RYR1: variants seen among roughly 807,000 people sequenced by gnomAD.
The protein encoded by RYR1 is central core disease of muscle.
A neutral mutation model predicts 583.5 loss-of-function variants in RYR1; 342 were observed. The ratio of observed to expected loss-of-function variants is 0.59; its 90% CI spans 0.54 to 0.64. The LOEUF (loss-of-function observed/expected upper bound fraction) is 0.64. Among genes scored for constraint, RYR1 ranks in the 30% least tolerant of loss-of-function variants. RYR1 has a pLI of 0.00. For missense variants in RYR1, 6,032 were observed against 6,917.2 expected (o/e 0.87, Z 4.54); for synonymous variants, 2,791 against 2,822.5 (o/e 0.99, Z 0.35).
intron 69 of RYR1, 142 bp from the exon 70 acceptor site, chr19:38,523,773 C>A: frequency 9.1e-7 from 1 of 1,095,054 alleles, no homozygotes; most frequent in Non-Finnish European, 1.4e-6. Flanking sequence ...CACCCCGAGC[C>A]AAGGCCTGGA....
At position 38,485,914 on chromosome 19, in the gene RYR1, A is replaced by G; in HGVS notation, c.5259A>G (p.Thr1753=). 6.2e-7 allele frequency: 1 copy of G among 1,613,792 alleles called. No individual in the cohort carries two copies. Among genetic ancestry groups the G allele is most frequent in the East Asian group, 2.2e-5 (1 of 44,876 alleles). ...CGCTCTTCCCTCCTGGAAGGAGCACAGAAAATGGTCACCCCCGGCATGGCC... is the reference window on the plus strand; with the variant it reads ...CGCTCTTCCCTCCTGGAAGGAGCACGGAAAATGGTCACCCCCGGCATGGCC... The part of the protein sequence containing the change: ...AITLFPPGRS[T]ENGHPRHGLP... The change falls in exon 34 of 106, where the codon ACA becomes ACG. Residue 1753 remains threonine, a synonymous_variant. Coordinates refer to ENST00000359596, the MANE Select transcript of RYR1 (RefSeq NM_000540.3).
In RYR1 at chr19:38,561,392, C is replaced by T. The variant is rs1379375429; in HGVS notation, c.12562C>T (p.Arg4188Cys). ...GRIEIMGASRRIERIYFEISE... is the reference protein window; with the variant it reads ...GRIEIMGASRCIERIYFEISE... ...CATCGAGATCATGGGCGCGTCACGC[C>T]GCATCGAGCGCATCTACTTCGAGAT... The change falls in exon 90 of 106, where the codon CGC (arginine) becomes TGC (cysteine). Residue 4188 changes from arginine to cysteine, a missense_variant. Transcript: ENST00000359596. The surrounding 1 kb of genome is among the most constrained non-coding windows in gnomAD (Gnocchi z 4.8). The T allele has an allele frequency of 1.9e-6, 3 of 1,613,180 alleles. No individual in the cohort carries two copies. The highest frequency in any genetic ancestry group is 2.5e-6 in the Non-Finnish European group (3 of 1,180,004).
At chr19:38,476,208 T>C (rs1434449346) in intron 29 of RYR1, among the ~76,000 whole-genome samples, 2 of 151,886 alleles carry the variant, frequency 1.3e-5, no homozygotes, top group Non-Finnish European at 2.9e-5. Flanking sequence ...TTCTGTTTTT[T>C]GTTTTTTTGA....
chr19:38,569,273 C>T (rs1412358949), intron 93 of RYR1, among the ~76,000 whole-genome samples: 1 of 152,010 alleles, frequency 6.6e-6, no homozygotes, highest in African/African-American at 2.4e-5. Context: ...TCCCAAAGTG[C>T]TGGGATTACA....
At chr19:38,571,846 T>G (rs1237331809) in intron 94 of RYR1, among the ~76,000 whole-genome samples, 173 bp from the exon 95 acceptor site, 1 of 152,152 alleles carries the variant, frequency 6.6e-6, no homozygotes, top group Non-Finnish European at 1.5e-5. Context: ...AATTCCCAGG[T>G]CAGAGTCTGA....
At position 38,528,266 on chromosome 19, in the gene RYR1, A is replaced by G. The variant is rs1178391260; in HGVS notation, c.10825-40A>G. On this transcript the variant is annotated intron_variant, in intron 73 of 105. Transcript: ENST00000359596. ...ATCCAGGGCTGGGAGTGAGAGGGGCAGGGTCTGGGGATGTGACTGTCCTGC... is the reference window on the plus strand; with the variant it reads ...ATCCAGGGCTGGGAGTGAGAGGGGCGGGGTCTGGGGATGTGACTGTCCTGC... 4 of 1,545,728 alleles carry G rather than the reference A, an allele frequency of 2.6e-6. No individual in the cohort carries two copies. The South Asian group carries it at 3.4e-5, about 13-fold the overall frequency.
intron 27 of RYR1, 73 bp downstream of exon 27, chr19:38,469,586 GTTTCTC>G: frequency 6.9e-7 from 1 of 1,454,648 alleles, no homozygotes; most frequent in Non-Finnish European, 9.6e-7. Context: ...TCTTCTTTGA[GTTTCTC>G]TTTTCCCTCC....
At chr19:38,482,879 G>T in intron 31 of RYR1, 148 bp from the exon 32 acceptor site, 1 of 730,958 alleles carries the variant, frequency 1.4e-6, no homozygotes, top group East Asian at 2.6e-5. Flanking sequence ...GATCAGAGGT[G>T]GGACAGTCTA....
chr19:38,534,464 C>T (rs553385844), intron 78 of RYR1, among the ~76,000 whole-genome samples: 1 of 152,316 alleles, frequency 6.6e-6, no homozygotes, highest in African/African-American at 2.4e-5. Context: ...CACAGATGGC[C>T]TGGAGGCCCA....
chr19:38,499,713 G>A lies in RYR1; in HGVS notation c.7106G>A (p.Arg2369Gln), dbSNP rs777966555. ...CCTGAGTGCTTCGGACCCGCCCTGCGGGGTGAGGGTGGCTCAGGGCTGCTG... is the reference window on the plus strand; with the variant it reads ...CCTGAGTGCTTCGGACCCGCCCTGCAGGGTGAGGGTGGCTCAGGGCTGCTG... ...RKPECFGPALRGEGGSGLLAA... is the reference protein window; with the variant it reads ...RKPECFGPALQGEGGSGLLAA... Residue 2369 changes from arginine (R) to glutamine (Q), a missense_variant, in exon 44 of 106, where the codon CGG (arginine) becomes CAG (glutamine). Arg to Gln is a conservative substitution (Grantham distance 43). Transcript: ENST00000359596. The surrounding 1 kb of genome is among the most constrained non-coding windows in gnomAD (Gnocchi z 7.3). The A allele has an allele frequency of 3.7e-6, 6 of 1,601,648 alleles. No individual in the cohort carries two copies. Among genetic ancestry groups the A allele is most frequent in the East Asian group, 2.2e-5 (1 of 44,840 alleles).
In RYR1 at chr19:38,548,301, G is replaced by A. The variant is rs921644065; in HGVS notation, c.12163G>A (p.Glu4055Lys). The change falls in exon 89 of 106, where the codon GAG (glutamate) becomes AAG (lysine). Residue 4055 changes from glutamate (E) to lysine (K), a missense_variant. Glu to Lys is a moderately conservative substitution (Grantham distance 56). Around this residue, in one of 11 missense-constraint regions of RYR1, gnomAD observed 753 missense variants for 759.6 expected, o/e 0.99. Coordinates refer to ENST00000359596, the MANE Select transcript of RYR1 (RefSeq NM_000540.3). ...DMLVESSSNV[E>K]MILKFFDMFL... ...GCTCGTGGAATCCTCATCCAATGTG[G>A]AGATGATCCTCAAGTTCTTCGACAT... The A allele has an allele frequency of 6.2e-7, 1 of 1,614,206 alleles. No individual in the cohort carries two copies. Among genetic ancestry groups the A allele is most frequent in the Non-Finnish European group, 8.5e-7 (1 of 1,180,046 alleles).
At chr19:38,547,125 C>T (rs553174356) in intron 88 of RYR1, among the ~76,000 whole-genome samples, 4 of 151,626 alleles carry the variant, frequency 2.6e-5, no homozygotes, top group East Asian at 3.9e-4. Flanking sequence ...CTGCAAGCTC[C>T]GCCTCCCAGG....
chr19:38,440,941 T>C, intron 2 of RYR1, 77 bp downstream of exon 2: 1 of 1,501,214 alleles, frequency 6.7e-7, no homozygotes, highest in East Asian at 2.4e-5. Flanking sequence ...AAGAAGAGGG[T>C]TCTGGGAGTC....
At chr19:38,456,508 C>T (rs1486417899) in intron 16 of RYR1, among the ~76,000 whole-genome samples, 1 of 151,690 alleles carries the variant, frequency 6.6e-6, no homozygotes, top group East Asian at 2.0e-4. Context: ...TCTCGAACTC[C>T]TGACCTCAGG....
At chr19:38,508,013 AC>A (rs1462898220) in intron 58 of RYR1, among the ~76,000 whole-genome samples, 186 bp downstream of exon 58, 4 of 152,002 alleles carry the variant, frequency 2.6e-5, no homozygotes, top group African/African-American at 9.7e-5. Flanking sequence ...ATGACAAATG[AC>A]CCCTGCTCTC....
chr19:38,549,125 A>G (rs1642979636), intron 89 of RYR1, among the ~76,000 whole-genome samples: 1 of 152,150 alleles, frequency 6.6e-6, no homozygotes, highest in Admixed American at 6.6e-5. Flanking sequence ...GCAGTCACTA[A>G]CTAGACCATT....
chr19:38,580,031 A>G lies in RYR1; in HGVS notation c.14414A>G (p.Tyr4805Cys), dbSNP rs1248772829. 1 of 1,614,110 alleles carries G rather than the reference A, an allele frequency of 6.2e-7. No individual in the cohort carries two copies. The highest frequency in any genetic ancestry group is 1.7e-5 in the Admixed American group (1 of 59,986). The change falls in exon 100 of 106, where the codon TAC becomes TGC. Residue 4805 changes from tyrosine to cysteine, a missense_variant. By Grantham distance (194) the Tyr-to-Cys change is radical (BLOSUM62 -2). Coordinates refer to ENST00000359596, the MANE Select transcript of RYR1 (RefSeq NM_000540.3). The part of the protein sequence containing the change: ...WYMVMSLLGH[Y>C]NNFFFAAHLL... The stretch of plus-strand genomic sequence containing the variant: ...ATGGTGATGTCCCTCTTGGGACACT[A>G]CAACAACTTCTTCTTTGCTGCCCAT...
chr19:38,535,452 C>G (rs1845281164), intron 81 of RYR1, 60 bp downstream of exon 81: 1 of 1,255,452 alleles, frequency 8.0e-7, no homozygotes, highest in Non-Finnish European at 1.2e-6. Context: ...CACCCCACTC[C>G]TGGTACCATT....
rs1970457923 is a variant in RYR1 at position 38,506,509 on chromosome 19, G to C, written c.8655G>C (p.Thr2885=). The change falls in exon 56 of 106, where the codon ACG becomes ACC. Residue 2885 remains threonine, a synonymous_variant. Coordinates refer to ENST00000359596, the MANE Select transcript of RYR1 (RefSeq NM_000540.3). ...AEQLAENYHN[T]WGRKKKQELE... ...AACTGGCAGAAAATTACCACAACAC[G>C]TGGGGACGGAAGAAGAAGCAGGAGC... 3.1e-6 allele frequency: 5 copies of C among 1,614,062 alleles called. No homozygotes were observed. The highest frequency in any genetic ancestry group is 4.2e-6 in the Non-Finnish European group (5 of 1,180,018).
Sources: gnomAD v4.1 joint callset for allele counts (sites outside exome capture counted in the v4.1 genomes callset) on GRCh38, gnomAD v4.1.1 for gene constraint, gnomAD v4.1.1 regional missense constraint, Gnocchi (gnomAD v3.1) non-coding constraint, MANE v1.5 for transcripts, NCBI Gene and HGNC (gene_info 2026-07-23, HGNC 2026-07-21) for gene names.